CERT1: variants seen among roughly 807,000 people sequenced by gnomAD.
CERT1 encodes the protein ceramide transfer protein.
CERT1 carries 31 observed loss-of-function variants against 87.9 expected under a neutral mutation model. That is an observed-to-expected ratio of 0.35 (90% CI 0.27 to 0.48). CERT1 has a LOEUF of 0.48. CERT1 is among the 20% of genes least tolerant of loss of function. CERT1 has a pLI of 0.99. For synonymous variants in CERT1, 289 were observed against 250.9 expected (o/e 1.15, Z -1.44); for missense variants, 487 against 758.0 (o/e 0.64, Z 4.20).
chr5:75,471,305 C>T (rs1164846747), intron 2 of CERT1, among the ~76,000 whole-genome samples: 1 of 152,182 alleles, frequency 6.6e-6, no homozygotes, highest in East Asian at 1.9e-4. Context: ...CAGCATGTTA[C>T]TCTACTGAAT....
intron 5 of CERT1, among the ~76,000 whole-genome samples, chr5:75,423,609 T>C (rs1406975964): frequency 6.6e-6 from 1 of 152,092 alleles, no homozygotes; most frequent in Non-Finnish European, 1.5e-5. Flanking sequence ...GATATGACGG[T>C]GTATGCCTGT....
At position 75,468,521 on chromosome 5, in the gene CERT1, G is replaced by A. The variant is rs568506217; in HGVS notation, c.232-9340C>T. On this transcript the variant is annotated intron_variant, in intron 2 of 16. Transcript: ENST00000643780. ...GAACTGAATCTCCTCACCTATCCCA[G>A]TGACAGGTGGTAAACTATAGCCCTC... Among the ~76,000 whole-genome samples the A allele has an allele frequency of 2.0e-5, 3 of 152,204 alleles. No homozygotes were observed. In the South Asian group the frequency reaches 6.2e-4, roughly 32 times the overall value.
chr5:75,432,289 C>A (rs936362682), intron 3 of CERT1, among the ~76,000 whole-genome samples: 1 of 152,008 alleles, frequency 6.6e-6, no homozygotes, highest in Non-Finnish European at 1.5e-5. Flanking sequence ...TCTCTGACGT[C>A]GTAATCCGCC....
In CERT1 at chr5:75,498,090, C is replaced by T. The variant is rs145269083; in HGVS notation, c.231+7892G>A. 4.0e-3 allele frequency among the ~76,000 whole-genome samples: 602 copies of T among 152,224 alleles called. 4 individuals carry two copies. Among genetic ancestry groups the T allele is most frequent in the Middle Eastern group, 6.8e-3 (2 of 294 alleles). On this transcript the variant is annotated intron_variant, in intron 2 of 16. Transcript: ENST00000643780. ...TGTTATGCTTTAGCAAAGAGACTGG[C>T]GGCATTTTGCCCCTGCCCTAGAGAT... is the stretch of plus-strand genomic sequence containing the variant.
At chr5:75,419,883 G>A (rs1763298110) in intron 5 of CERT1, among the ~76,000 whole-genome samples, 1 of 152,056 alleles carries the variant, frequency 6.6e-6, no homozygotes, top group Non-Finnish European at 1.5e-5. Context: ...CTTCCGTGGG[G>A]CCATTTCCAC....
chr5:75,497,511 C>A (rs533698468), intron 2 of CERT1, among the ~76,000 whole-genome samples: 1 of 152,176 alleles, frequency 6.6e-6, no homozygotes, highest in South Asian at 2.1e-4. Flanking sequence ...CCATCCAAAT[C>A]TCATTTTGAA....
chr5:75,422,459 TACA>T (rs1763422806), intron 5 of CERT1, among the ~76,000 whole-genome samples: 5 of 151,988 alleles, frequency 3.3e-5, no homozygotes, highest in Admixed American at 3.3e-4. Flanking sequence ...CTACAAAAAA[TACA>T]ACAATTAGCT....
intron 11 of CERT1, among the ~76,000 whole-genome samples, 171 bp downstream of exon 11, chr5:75,399,139 T>A (rs1762370558): frequency 6.6e-6 from 1 of 152,198 alleles, no homozygotes; most frequent in African/African-American, 2.4e-5. Flanking sequence ...CATGCAAACC[T>A]GACAGAGGAA....
chr5:75,390,969 T>A (rs76233401), intron 11 of CERT1, among the ~76,000 whole-genome samples: 1 of 141,572 alleles, frequency 7.1e-6, no homozygotes, highest in Non-Finnish European at 1.6e-5. Context: ...ATGCCTAACA[T>A]TTTTTTTTTT....
intron 2 of CERT1, among the ~76,000 whole-genome samples, chr5:75,486,198 C>A (rs1351008598): frequency 6.6e-6 from 1 of 152,106 alleles, no homozygotes; most frequent in Non-Finnish European, 1.5e-5. Context: ...GATGGTTCAA[C>A]ATACGCAAAT....
chr5:75,505,843 A>T, intron 2 of CERT1, 139 bp downstream of exon 2: 1 of 553,650 alleles, frequency 1.8e-6, no homozygotes. Flanking sequence ...CTTTATGGAA[A>T]AAAGTATTAG....
intron 9 of CERT1, chr5:75,400,585 T>C: frequency 3.5e-6 from 1 of 287,410 alleles, no homozygotes; most frequent in Non-Finnish European, 6.5e-6. Flanking sequence ...GCATTATTTA[T>C]CATGGGTCAA....
chr5:75,410,436 C>T (rs1488004216), intron 8 of CERT1, among the ~76,000 whole-genome samples: 1 of 151,790 alleles, frequency 6.6e-6, no homozygotes, highest in African/African-American at 2.4e-5. Flanking sequence ...GGTGAAACCC[C>T]GTCTCTACTA....
chr5:75,497,051 AG>A (rs1208175647), intron 2 of CERT1, among the ~76,000 whole-genome samples: 3 of 152,240 alleles, frequency 2.0e-5, no homozygotes, highest in African/African-American at 7.2e-5. Flanking sequence ...AAAGAAAAAA[AG>A]ACTATCAAGA....
At chr5:75,454,360 C>T (rs1449574097) in intron 3 of CERT1, among the ~76,000 whole-genome samples, 2 of 152,126 alleles carry the variant, frequency 1.3e-5, no homozygotes, top group Admixed American at 6.5e-5. Context: ...TTATATTATA[C>T]ATTATTTTAA....
intron 5 of CERT1, among the ~76,000 whole-genome samples, chr5:75,423,051 ATG>A (rs1432113694): frequency 2.0e-5 from 3 of 152,240 alleles, no homozygotes. Context: ...GTACTTTGAT[ATG>A]GCAGCCCTAG....
rs994976958 is a variant in CERT1, at chr5:75,387,727, A to G, written c.1285-1693T>C. Among the ~76,000 whole-genome samples the G allele has an allele frequency of 2.8e-4, 43 of 151,534 alleles. 1 individual carries two copies. Among genetic ancestry groups the G allele is most frequent in the African/African-American group, 9.9e-4 (41 of 41,212 alleles). ...ATTGCACTCCAGCCTGGGTGACAAG[A>G]GCAAAACTCTGTCTCAAAAAAAAGA... On this transcript the variant is annotated intron_variant, in intron 12 of 16. Transcript: ENST00000643780.
chr5:75,403,061 A>G lies in CERT1; in HGVS notation c.931-3T>C, dbSNP rs973079015. On this transcript the variant is annotated splice_polypyrimidine_tract_variant and splice_region_variant and intron_variant, in intron 8 of 16. Coordinates refer to ENST00000643780, the MANE Select transcript of CERT1 (RefSeq NM_001379029.1). ...TTAATCAGACTGTTAGGGCCTTCCT[A>G]TTCCAACACACAGTGGAGAAAAAAG... The G allele has an allele frequency of 4.4e-6, 7 of 1,600,950 alleles. No individual in the cohort carries two copies. The African/African-American group carries it at 6.7e-5, about 15-fold the overall frequency.
chr5:75,436,591 G>T (rs1451891198), intron 3 of CERT1, among the ~76,000 whole-genome samples: 1 of 152,040 alleles, frequency 6.6e-6, no homozygotes, highest in Non-Finnish European at 1.5e-5. Flanking sequence ...CTCTGTAACA[G>T]ATGAAAATAT....
Sources: allele counts gnomAD v4.1 joint callset (sites outside exome capture counted in the v4.1 genomes callset), GRCh38; gene constraint gnomAD v4.1.1; transcripts MANE v1.5; gene names NCBI Gene and HGNC (gene_info 2026-07-23, HGNC 2026-07-21).